The following POP1 variants were observed in gnomAD, a reference collection of about 807,000 sequenced individuals.
The protein encoded by POP1 is POP1 ribonuclease P/MRP subunit, also known as ribonucleases P/MRP protein subunit POP1.
A neutral mutation model predicts 102.2 loss-of-function variants in POP1; 75 were observed. The observed-to-expected ratio is 0.73, with a 90% CI of 0.61 to 0.89. The LOEUF (loss-of-function observed/expected upper bound fraction) is 0.89. Ranked by LOEUF, POP1 falls within the 40% of genes least tolerant of loss-of-function variation. The pLI, the probability that POP1 is intolerant of heterozygous loss-of-function variation, is 0.00. For synonymous variants in POP1, 436 were observed against 464.1 expected, an observed-to-expected ratio of 0.94 and a Z score of 0.78; for missense variants, 1,116 against 1,267.4, an observed-to-expected ratio of 0.88 and a Z score of 1.81.
chr8:98,133,751 G>T (rs1816449211), intron 5 of POP1, among the ~76,000 whole-genome samples, 198 bp from the exon 6 acceptor site: 1 of 152,190 alleles, frequency 6.6e-6, no homozygotes, highest in South Asian at 2.1e-4. Flanking sequence ...AAGGTGACAG[G>T]AATGGACAGG....
rs11997551 is a variant in POP1, at chr8:98,123,209, A to G, written c.-2-127A>G. ...ATTATTTGACAGTGCAAACTGCAAT[A>G]TACTAATAGGGTCTCTTCCATCAAT... On this transcript the variant is annotated intron_variant, in intron 1 of 15. Transcript: ENST00000401707. The G allele has an allele frequency of 0.43, 472,110 of 1,090,134 alleles. 104,333 individuals are homozygous for G. The highest frequency in any genetic ancestry group is 0.59 in the Middle Eastern group (2,042 of 3,448). 67.5% of individuals were successfully genotyped at this position (1,090,134 alleles called of 1,614,324 possible). A position where few individuals can be genotyped will look rare whatever the true frequency, so the allele number is the denominator to read the frequency against.
At chr8:98,148,760 A>G in intron 12 of POP1, 55 bp from the exon 13 acceptor site, 1 of 1,444,432 alleles carries the variant, frequency 6.9e-7, no homozygotes, top group Non-Finnish European at 9.6e-7. Context: ...GAGACCCAGG[A>G]GGATCTCCCA....
In POP1 at chr8:98,159,679, A is replaced by G. The variant is rs1183054229; in HGVS notation, c.*1408A>G. 4 of 152,120 alleles carry G rather than the reference A, an allele frequency of 2.6e-5. No individual in the cohort carries two copies. Among genetic ancestry groups the G allele is most frequent in the African/African-American group, 7.2e-5 (3 of 41,406 alleles). The allele number at this position is 152,120 out of a possible 1,614,324, so 9.4% of individuals were successfully genotyped here. ...TGGGGAAGGATACAGCAGGTGGTACAGTAGTCAGGAAGTACCTGCCACCAA... is the reference window on the plus strand; with the variant it reads ...TGGGGAAGGATACAGCAGGTGGTACGGTAGTCAGGAAGTACCTGCCACCAA... On this transcript the variant is annotated 3_prime_UTR_variant, in exon 16 of 16. Transcript: ENST00000401707.
At chr8:98,156,546 C>G in intron 15 of POP1, 134 bp downstream of exon 15, 13 of 1,146,770 alleles carry the variant, frequency 1.1e-5, no homozygotes, top group Non-Finnish European at 1.5e-5. Context: ...AAGGGAAAGC[C>G]AGTCTTTTAT....
rs200575318 is a variant in POP1, at chr8:98,128,363, A to G, written c.311-2A>G. ...TAATGACTTTGTCATCTCCTTCAAC[A>G]GCTTCTACTTTTGCTCAAGCACGAG... On this transcript the variant is annotated splice_acceptor_variant, in intron 3 of 15. Coordinates refer to ENST00000401707, the MANE Select transcript of POP1 (RefSeq NM_001145860.2). LOFTEE classifies it high-confidence loss of function. 28 of 1,613,712 alleles carry G rather than the reference A, an allele frequency of 1.7e-5. No individual in the cohort carries two copies. The highest frequency in any genetic ancestry group is 2.3e-5 in the Non-Finnish European group (27 of 1,179,938).
At position 98,117,491 on chromosome 8, in the gene POP1, C is replaced by T. The variant is rs1815875680; in HGVS notation, c.-3+101C>T. ...CCCGTCTCCCCTCTTCATCGTTTCT[C>T]TCTCAGACTCCGCTGACCTCTTTCC... On this transcript the variant is annotated intron_variant, in intron 1 of 15. Coordinates refer to ENST00000401707, the MANE Select transcript of POP1 (RefSeq NM_001145860.2). 4.1e-5 allele frequency: 10 copies of T among 243,814 alleles called. No homozygotes were observed. In the South Asian group the frequency reaches 4.4e-4, roughly 11 times the overall value. 15.1% of individuals were successfully genotyped at this position (243,814 alleles called of 1,614,324 possible).
chr8:98,134,137 A>C lies in POP1; in HGVS notation c.823+101A>C, dbSNP rs1229952350. 4.4e-6 allele frequency: 4 copies of C among 908,804 alleles called. No individual in the cohort carries two copies. In the African/African-American group the frequency reaches 6.6e-5, roughly 15 times the overall value. The allele number at this position is 908,804 out of a possible 1,614,324, so 56.3% of individuals were successfully genotyped here. On this transcript the variant is annotated intron_variant, in intron 6 of 15. Coordinates refer to ENST00000401707, the MANE Select transcript of POP1 (RefSeq NM_001145860.2). ...AGCATTTTGGAATTCAAACATATAG[A>C]AAAGTGTGTGAGACACTAATCATTC...
rs1360651270 is a variant in POP1, at chr8:98,159,512, CT to C, written c.*1244del. On this transcript the variant is annotated 3_prime_UTR_variant, in exon 16 of 16. Coordinates refer to ENST00000401707, the MANE Select transcript of POP1 (RefSeq NM_001145860.2). Reference sequence around the variant, plus strand: ...GCTTGCTCATAGCCTTGGTCCTTACCTTTCCTGCCATAACTTTCTAGAAGAG... The same window carrying C: ...GCTTGCTCATAGCCTTGGTCCTTACCTTCCTGCCATAACTTTCTAGAAGAG... The C allele has an allele frequency of 6.6e-6, 1 of 152,088 alleles. No homozygotes were observed. The highest frequency in any genetic ancestry group is 2.4e-5 in the African/African-American group (1 of 41,376). The allele number at this position is 152,088 out of a possible 1,614,324, so 9.4% of individuals were successfully genotyped here.
Position 98,155,924 on chromosome 8 carries a change from T to G in POP1, c.2058-126T>G, listed in dbSNP as rs9785153. ...TGGAAAGCTTTTGTGTGTGTGTGTG[T>G]GTGTGTGTGTGTGTGTGTGTGTGTG... On this transcript the variant is annotated intron_variant, in intron 14 of 15. Coordinates refer to ENST00000401707, the MANE Select transcript of POP1 (RefSeq NM_001145860.2). The G allele has an allele frequency of 3.5e-3, 2,231 of 637,042 alleles. 36 individuals carry two copies. Among genetic ancestry groups the G allele is most frequent in the Middle Eastern group, 0.013 (23 of 1,824 alleles). 39.5% of individuals were successfully genotyped at this position (637,042 alleles called of 1,614,324 possible).
At position 98,117,350 on chromosome 8, in the gene POP1, C is replaced by T; in HGVS notation, c.-43C>T. The T allele has an allele frequency of 1.9e-6, 1 of 520,268 alleles. No individual in the cohort carries two copies. The highest frequency in any genetic ancestry group is 3.5e-6 in the Non-Finnish European group (1 of 288,400). 32.2% of individuals were successfully genotyped at this position (520,268 alleles called of 1,614,324 possible). On this transcript the variant is annotated 5_prime_UTR_variant, in exon 1 of 16. Transcript: ENST00000401707. ...GGCTCGGTGGGTACTGTCGCGGAGG[C>T]TTGTCATTCTGACCCGGGGATTCCT...
At chr8:98,156,811 G>A (rs1368287435) in intron 15 of POP1, among the ~76,000 whole-genome samples, 1 of 152,040 alleles carries the variant, frequency 6.6e-6, no homozygotes, top group Non-Finnish European at 1.5e-5. Flanking sequence ...TAGCCAGAGA[G>A]GCTACCGGAT....
In POP1 at chr8:98,156,547, A is replaced by G. The variant is rs535052892; in HGVS notation, c.2420+135A>G. On this transcript the variant is annotated intron_variant, in intron 15 of 15. Coordinates refer to ENST00000401707, the MANE Select transcript of POP1 (RefSeq NM_001145860.2). ...TATAGGCTTTCTGGAAGGGAAAGCC[A>G]GTCTTTTATATTTCATAGAGGGCTC... 8.6e-4 allele frequency: 943 copies of G among 1,102,278 alleles called. 8 individuals are homozygous for G. The highest frequency in any genetic ancestry group is 7.9e-3 in the Middle Eastern group (26 of 3,304). 68.3% of individuals were successfully genotyped at this position (1,102,278 alleles called of 1,614,324 possible). A position where few individuals can be genotyped will look rare whatever the true frequency, so the allele number is the denominator to read the frequency against.
intron 5 of POP1, among the ~76,000 whole-genome samples, chr8:98,131,833 G>T (rs1816390367): frequency 6.6e-6 from 1 of 152,076 alleles, no homozygotes; most frequent in African/African-American, 2.4e-5. Flanking sequence ...TGAATAAGAG[G>T]ACCTTTTAGG....
intron 1 of POP1, among the ~76,000 whole-genome samples, 178 bp downstream of exon 1, chr8:98,117,568 C>A (rs1398694904): frequency 6.6e-6 from 1 of 152,192 alleles, no homozygotes; most frequent in East Asian, 1.9e-4. Flanking sequence ...TCCTTCGGCC[C>A]CTGCGCTGGA....
intron 14 of POP1, 190 bp from the exon 15 acceptor site, chr8:98,155,860 C>A: frequency 1.6e-6 from 1 of 640,526 alleles, no homozygotes; most frequent in Non-Finnish European, 2.6e-6. Context: ...CAGGCATGAG[C>A]CACTGAGCCC....
intron 2 of POP1, among the ~76,000 whole-genome samples, chr8:98,125,760 G>C (rs1816184645): frequency 6.6e-6 from 1 of 150,904 alleles, no homozygotes; most frequent in Admixed American, 6.6e-5. Flanking sequence ...GGCTAGTCTT[G>C]AACTCCTGAG....
At chr8:98,137,526 G>A (rs1438821996) in intron 9 of POP1, among the ~76,000 whole-genome samples, 1 of 152,130 alleles carries the variant, frequency 6.6e-6, no homozygotes, top group African/African-American at 2.4e-5. Context: ...GACCTCAGGT[G>A]ATCCGCCCAC....
rs1402040290 is a variant in POP1, at chr8:98,128,455, C to T, written c.401C>T (p.Thr134Ile). 11 of 1,614,052 alleles carry T rather than the reference C, an allele frequency of 6.8e-6. No homozygotes were observed. Among genetic ancestry groups the T allele is most frequent in the Non-Finnish European group, 9.3e-6 (11 of 1,179,956 alleles). The change falls in exon 4 of 16, where the codon ACT (threonine) becomes ATT (isoleucine). Residue 134 changes from threonine (T) to isoleucine (I), a missense_variant. Coordinates refer to ENST00000401707, the MANE Select transcript of POP1 (RefSeq NM_001145860.2). ...TCTTCGAATTCACTGGTTTTTCAGA[C>T]TCTGCCACGGCACATGCGACGAAGA... Reference protein sequence around the residue: ...QKSSNSLVFQTLPRHMRRRAM... With the variant: ...QKSSNSLVFQILPRHMRRRAM...
chr8:98,150,356 C>T (rs911614648), intron 13 of POP1, 129 bp from the exon 14 acceptor site: 1 of 941,182 alleles, frequency 1.1e-6, no homozygotes, highest in Non-Finnish European at 1.7e-6. Context: ...CATGGTAATC[C>T]ATTGTGTGTA....
Sources: allele counts gnomAD v4.1 joint callset (sites outside exome capture counted in the v4.1 genomes callset), GRCh38; gene constraint gnomAD v4.1.1; transcripts MANE v1.5; gene names NCBI Gene and HGNC (gene_info 2026-07-23, HGNC 2026-07-21).